Variants in RPS9 observed in about 807,000 individuals in gnomAD.
RPS9 encodes the protein small ribosomal subunit protein uS4.
Under a neutral mutation model 16.9 loss-of-function variants are expected in RPS9, and 1 was observed. The ratio of observed to expected loss-of-function variants is 0.06; its 90% CI spans 0.02 to 0.28. The LOEUF (loss-of-function observed/expected upper bound fraction) is 0.28. Among genes scored for constraint, RPS9 ranks in the 10% least tolerant of loss-of-function variants. RPS9 has a pLI of 1.00. For missense variants in RPS9, 137 were observed against 273.2 expected, an observed-to-expected ratio of 0.50 and a Z score of 3.51; for synonymous variants, 106 against 110.9, an observed-to-expected ratio of 0.96 and a Z score of 0.28.
At position 54,207,406 on chromosome 19, in the gene RPS9, A is replaced by G. The variant is rs2077282638; in HGVS notation, c.416A>G (p.Lys139Arg). 6.2e-7 allele frequency: 1 copy of G among 1,611,310 alleles called. No homozygotes were observed. Among genetic ancestry groups the G allele is most frequent in the African/African-American group, 1.3e-5 (1 of 74,854 alleles). ...CTTGTCGCTGCTTCCAGGGTCCGCAAGCAGGTGGTGAACATCCCGTCCTTC... is the reference window on the plus strand; with the variant it reads ...CTTGTCGCTGCTTCCAGGGTCCGCAGGCAGGTGGTGAACATCCCGTCCTTC... The part of the protein sequence containing the change: ...LIRQRHIRVR[K>R]QVVNIPSFIV... Residue 139 changes from lysine to arginine, a missense_variant, in exon 5 of 5, where the codon AAG (lysine) becomes AGG (arginine). Physicochemically the swap from Lys to Arg is conservative, Grantham distance 26 (BLOSUM62 2). This residue lies in a region of RPS9 where 54 missense variants were observed against 90.9 expected (regional missense o/e 0.59). Transcript: ENST00000302907.
In RPS9 at chr19:54,201,148, T is replaced by C. The variant is rs1473623412; in HGVS notation, c.-25-12T>C. 1.2e-6 allele frequency: 2 copies of C among 1,612,468 alleles called. No individual in the cohort carries two copies. The highest frequency in any genetic ancestry group is 1.7e-5 in the Admixed American group (1 of 59,998). ...TTTGGATCCCTTACGCTCACACTTC[T>C]CTCCCGCGCAGGCGCAGACGGGGAA... On this transcript the variant is annotated splice_polypyrimidine_tract_variant and intron_variant, in intron 1 of 4. Transcript: ENST00000302907.
intron 3 of RPS9, 136 bp downstream of exon 3, chr19:54,201,745 C>G: frequency 6.8e-7 from 1 of 1,466,902 alleles, no homozygotes; most frequent in Non-Finnish European, 9.1e-7. Flanking sequence ...TTTAGTGGCA[C>G]TTGTGGAGTA....
At chr19:54,203,893 T>G (rs1169743362) in intron 3 of RPS9, among the ~76,000 whole-genome samples, 4 of 151,366 alleles carry the variant, frequency 2.6e-5, no homozygotes, top group Non-Finnish European at 5.9e-5. Flanking sequence ...TGTTTCCCAC[T>G]GAGGTCCTCC....
In RPS9 at chr19:54,204,508, ATCC is replaced by A. The variant is rs773638224; in HGVS notation, c.221-1762_221-1760del. Among the ~76,000 whole-genome samples the A allele has an allele frequency of 3.9e-5, 6 of 152,248 alleles. No individual in the cohort carries two copies. In the South Asian group the frequency reaches 6.2e-4, roughly 16 times the overall value. On this transcript the variant is annotated intron_variant, in intron 3 of 4. Coordinates refer to ENST00000302907, the MANE Select transcript of RPS9 (RefSeq NM_001013.4). The stretch of plus-strand genomic sequence containing the variant: ...AGCCTGGACCTCCTGTGCTTAAGTG[ATCC>A]TCCTCAGCTCTAGTAGCTGGGACCA...
At position 54,201,406 on chromosome 19, in the gene RPS9, G is replaced by C. The variant is rs1371922893; in HGVS notation, c.98-81G>C. ...TTGGTACTATTCGTGGTTTAGGAAG[G>C]TTTTGTGATTCCAAAGCTGCCAGTC... On this transcript the variant is annotated intron_variant, in intron 2 of 4. Transcript: ENST00000302907. 32 of 1,608,234 alleles carry C rather than the reference G, an allele frequency of 2.0e-5. No individual in the cohort carries two copies. In the Admixed American group the frequency reaches 5.4e-4, roughly 27 times the overall value.
At chr19:54,203,411 GA>G in intron 3 of RPS9, 2 of 629,866 alleles carry the variant, frequency 3.2e-6, no homozygotes, top group Non-Finnish European at 4.0e-6. Context: ...TGACTAGCGA[GA>G]TTCTGAGTCT....
At chr19:54,201,036 A>T (rs1188794654) in intron 1 of RPS9, 124 bp from the exon 2 acceptor site, 1 of 1,476,298 alleles carries the variant, frequency 6.8e-7, no homozygotes, top group Non-Finnish European at 9.0e-7. Flanking sequence ...GCAGATACTG[A>T]CTATGAGAGC....
In RPS9 at chr19:54,207,560, C is replaced by T. The variant is rs142681896; in HGVS notation, c.570C>T (p.Asp190=). ...AGGGTGGGGCTGGGGCTGGAGACGA[C>T]GAGGAGGAGGATTAAGTCCACCTGT... ...KGQGGAGAGD[D]EEED Residue 190 remains aspartate (D), a synonymous_variant, in exon 5 of 5, where the codon GAC becomes GAT. Coordinates refer to ENST00000302907, the MANE Select transcript of RPS9 (RefSeq NM_001013.4). 5.7e-5 allele frequency: 91 copies of T among 1,610,014 alleles called. No individual in the cohort carries two copies. Among genetic ancestry groups the T allele is most frequent in the South Asian group, 4.3e-4 (39 of 90,804 alleles).
intron 3 of RPS9, chr19:54,203,187 CAT>C (rs2147140847): frequency 1.1e-6 from 1 of 934,888 alleles, no homozygotes; most frequent in South Asian, 4.9e-5. Flanking sequence ...AACTTACAGT[CAT>C]GTGAGAAAGC....
intron 3 of RPS9, among the ~76,000 whole-genome samples, chr19:54,204,232 A>G (rs1471394822): frequency 1.3e-5 from 2 of 152,088 alleles, no homozygotes; most frequent in Admixed American, 1.3e-4. Context: ...AAAAAATACA[A>G]AATTAGCGGG....
chr19:54,207,559 A>T lies in RPS9; in HGVS notation c.569A>T (p.Asp190Val). The change falls in exon 5 of 5, where the codon GAC (aspartate) becomes GTC (valine). Residue 190 changes from aspartate to valine, a missense_variant. By Grantham distance (152) the Asp-to-Val change is radical. This residue lies in a region of RPS9 where 19 missense variants were observed against 18.2 expected (regional missense o/e 1.04). Transcript: ENST00000302907. ...CAGGGTGGGGCTGGGGCTGGAGACG[A>T]CGAGGAGGAGGATTAAGTCCACCTG... is the stretch of plus-strand genomic sequence containing the variant. ...KGQGGAGAGD[D>V]EEED 6.2e-7 allele frequency: 1 copy of T among 1,610,700 alleles called. No individual in the cohort carries two copies. The highest frequency in any genetic ancestry group is 1.3e-5 in the African/African-American group (1 of 74,962).
At chr19:54,204,396 T>A (rs889137470) in intron 3 of RPS9, among the ~76,000 whole-genome samples, 1 of 152,170 alleles carries the variant, frequency 6.6e-6, no homozygotes, top group Non-Finnish European at 1.5e-5. Context: ...AACATTTTTT[T>A]AAAATCATGC....
At chr19:54,207,264 C>T (rs1166711684) in intron 4 of RPS9, 134 bp from the exon 5 acceptor site, 1 of 703,606 alleles carries the variant, frequency 1.4e-6, no homozygotes. Context: ...GGATCAGGTG[C>T]ACCCTTCCTG....
chr19:54,206,458 A>T lies in RPS9; in HGVS notation c.403A>T (p.Ile135Phe), dbSNP rs1224877696. 6.2e-7 allele frequency: 1 copy of T among 1,614,228 alleles called. No individual in the cohort carries two copies. The highest frequency in any genetic ancestry group is 1.1e-5 in the South Asian group (1 of 91,084). Residue 135 changes from isoleucine to phenylalanine, a missense_variant, in exon 4 of 5, where the codon ATC (isoleucine) becomes TTC (phenylalanine). By Grantham distance (21) the Ile-to-Phe change is conservative. This residue lies in a region of RPS9 where 54 missense variants were observed against 90.9 expected (regional missense o/e 0.59). Transcript: ENST00000302907. ...HARVLIRQRHIRVRKQVVNIP... is the reference protein window; with the variant it reads ...HARVLIRQRHFRVRKQVVNIP... ...TCGCGTGCTGATCCGCCAGCGCCAT[A>T]TCAGGTACCACCTCGGATGGGCACC...
rs780013236 is a variant in RPS9 at position 54,201,194 on chromosome 19, G to T, written c.10G>T (p.Ala4Ser). 1.9e-5 allele frequency: 31 copies of T among 1,605,540 alleles called. No homozygotes were observed. Among genetic ancestry groups the T allele is most frequent in the Admixed American group, 1.2e-4 (7 of 59,686 alleles). The stretch of plus-strand genomic sequence containing the variant: ...GGGAAGCGGAGCCAACATGCCAGTG[G>T]CCCGGAGCTGGGTTTGTCGCAAAAC... MPV[A>S]RSWVCRKTYV... Residue 4 changes from alanine to serine, a missense_variant, in exon 2 of 5, where the codon GCC becomes TCC. Coordinates refer to ENST00000302907, the MANE Select transcript of RPS9 (RefSeq NM_001013.4).
At chr19:54,206,743 C>A in intron 4 of RPS9, 1 of 1,463,046 alleles carries the variant, frequency 6.8e-7, no homozygotes, top group Non-Finnish European at 9.0e-7. Context: ...TCTTGGTGTC[C>A]CCAGTGGAGG....
Position 54,207,560 on chromosome 19 carries a change from CGAG to C in RPS9, c.579_581del (p.Glu193del), listed in dbSNP as rs1235019516. ...AGGGTGGGGCTGGGGCTGGAGACGA[CGAG>C]GAGGAGGATTAAGTCCACCTGTCCC... On this transcript the variant is annotated inframe_deletion, in exon 5 of 5. Coordinates refer to ENST00000302907, the MANE Select transcript of RPS9 (RefSeq NM_001013.4). The C allele has an allele frequency of 1.2e-6, 2 of 1,610,016 alleles. No individual in the cohort carries two copies. The highest frequency in any genetic ancestry group is 1.7e-6 in the Non-Finnish European group (2 of 1,178,894).
chr19:54,206,380 C>T lies in RPS9; in HGVS notation c.325C>T (p.Arg109Cys), dbSNP rs13579. The change falls in exon 4 of 5, where the codon CGC (arginine) becomes TGC (cysteine). Residue 109 changes from arginine (R) to cysteine (C), a missense_variant. Physicochemically the swap from Arg to Cys is radical, Grantham distance 180. This residue lies in a region of RPS9 where 64 missense variants were observed against 164.0 expected (regional missense o/e 0.39). Transcript: ENST00000302907. Reference protein sequence around the residue: ...GLKIEDFLERRLQTQVFKLGL... With the variant: ...GLKIEDFLERCLQTQVFKLGL... ...GAAGATAGAGGATTTCTTAGAGAGACGCCTGCAGACCCAGGTCTTCAAGCT... is the reference window on the plus strand; with the variant it reads ...GAAGATAGAGGATTTCTTAGAGAGATGCCTGCAGACCCAGGTCTTCAAGCT... 2.5e-6 allele frequency: 4 copies of T among 1,614,208 alleles called. No homozygotes were observed. The highest frequency in any genetic ancestry group is 1.7e-5 in the Admixed American group (1 of 60,032).
At chr19:54,206,493 C>T in intron 4 of RPS9, 31 bp downstream of exon 4, 1 of 1,612,616 alleles carries the variant, frequency 6.2e-7, no homozygotes, top group Non-Finnish European at 8.5e-7. Context: ...CTGAATCTTC[C>T]TCCACCTGCC....
Sources: allele counts gnomAD v4.1 joint callset (sites outside exome capture counted in the v4.1 genomes callset), GRCh38; gene constraint gnomAD v4.1.1; regional missense constraint gnomAD v4.1.1; transcripts MANE v1.5; gene names NCBI Gene and HGNC (gene_info 2026-07-23, HGNC 2026-07-21).